ZFYVE9: variants seen among roughly 807,000 people sequenced by gnomAD.
ZFYVE9 encodes zinc finger FYVE-type containing 9.
A neutral mutation model predicts 126.7 loss-of-function variants in ZFYVE9; 43 were observed. The ratio of observed to expected loss-of-function variants is 0.34; its 90% CI spans 0.27 to 0.44. The LOEUF is 0.44. Ranked by LOEUF, ZFYVE9 falls within the 20% of genes least tolerant of loss-of-function variation. The probability of loss-of-function intolerance (pLI) is 1.00; values close to 1 mark genes in which losing one functional copy is unlikely to be tolerated. For missense variants in ZFYVE9, 1,476 were observed against 1,697.0 expected, an observed-to-expected ratio of 0.87 and a Z score of 2.29; for synonymous variants, 521 against 597.4, an observed-to-expected ratio of 0.87 and a Z score of 1.87.
chr1:52,242,657 CT>C (rs1412716454), intron 4 of ZFYVE9, among the ~76,000 whole-genome samples: 1 of 151,862 alleles, frequency 6.6e-6, no homozygotes, highest in African/African-American at 2.4e-5. Context: ...ATTGTTCCTA[CT>C]TAAGAACAGA....
At chr1:52,241,669 C>CT (rs1312523610) in intron 4 of ZFYVE9, among the ~76,000 whole-genome samples, 1 of 152,012 alleles carries the variant, frequency 6.6e-6, no homozygotes, top group Admixed American at 6.6e-5. Flanking sequence ...ATTCATGTGG[C>CT]TTATGGATTC....
chr1:52,255,905 TTTCTTTTCTTTTC>T (rs1190720298), intron 4 of ZFYVE9, among the ~76,000 whole-genome samples: 2 of 42,322 alleles, frequency 4.7e-5, no homozygotes, highest in African/African-American at 1.7e-4. Flanking sequence ...GCTTTTTTCT[TTTCTTTTCTTTTC>T]TTTTCTTTTC....
intron 4 of ZFYVE9, among the ~76,000 whole-genome samples, chr1:52,245,096 T>A (rs35534541): frequency 2.0e-5 from 3 of 151,686 alleles, no homozygotes; most frequent in African/African-American, 4.9e-5. Flanking sequence ...AGGCAGAGGT[T>A]GCAGTGAGCC....
intron 13 of ZFYVE9, among the ~76,000 whole-genome samples, chr1:52,319,084 G>A (rs1420961585): frequency 6.6e-6 from 1 of 152,178 alleles, no homozygotes. Context: ...GTGACAGAGT[G>A]TGACCCTGTC....
chr1:52,225,564 T>C (rs1645162805), intron 2 of ZFYVE9, among the ~76,000 whole-genome samples: 1 of 152,244 alleles, frequency 6.6e-6, no homozygotes, highest in Non-Finnish European at 1.5e-5. Flanking sequence ...TGGGTCGGAC[T>C]GCACAATCTA....
At chr1:52,172,795 C>G (rs1173597592) in intron 1 of ZFYVE9, among the ~76,000 whole-genome samples, 1 of 151,380 alleles carries the variant, frequency 6.6e-6, no homozygotes, top group African/African-American at 2.4e-5. Flanking sequence ...TGATTTGGCT[C>G]TCTGTTTGTC....
chr1:52,160,288 C>T, intron 1 of ZFYVE9: 2 of 1,004,828 alleles, frequency 2.0e-6, no homozygotes, highest in Admixed American at 1.7e-5. Flanking sequence ...TTCGAATGCT[C>T]TTTCCAGAAT....
chr1:52,322,326 A>T (rs1646248116), intron 13 of ZFYVE9, among the ~76,000 whole-genome samples: 1 of 147,942 alleles, frequency 6.8e-6, no homozygotes, highest in Admixed American at 6.7e-5. Flanking sequence ...TGGTCTTCCT[A>T]TTAGTACCCT....
At chr1:52,148,026 A>AC (rs1027453318) in intron 1 of ZFYVE9, among the ~76,000 whole-genome samples, 8 of 151,628 alleles carry the variant, frequency 5.3e-5, no homozygotes, top group African/African-American at 1.9e-4. Flanking sequence ...CAAATGATCC[A>AC]CCCACAGCCT....
intron 1 of ZFYVE9, among the ~76,000 whole-genome samples, chr1:52,166,823 C>G (rs1264199781): frequency 6.6e-6 from 1 of 152,200 alleles, no homozygotes; most frequent in East Asian, 1.9e-4. Flanking sequence ...ATCACCCGAG[C>G]CTGGGGAGGT....
At chr1:52,162,656 C>G (rs1644473208) in intron 1 of ZFYVE9, 1 of 275,820 alleles carries the variant, frequency 3.6e-6, no homozygotes, top group South Asian at 6.3e-5. Flanking sequence ...TAAGGCCAAA[C>G]ACTCTAAGGC....
At chr1:52,234,134 A>C (rs1297131080) in intron 3 of ZFYVE9, among the ~76,000 whole-genome samples, 1 of 152,138 alleles carries the variant, frequency 6.6e-6, no homozygotes, top group African/African-American at 2.4e-5. Context: ...TCTTGGTTTA[A>C]CTTGAGTGGG....
At chr1:52,328,186 G>A (rs756684655) in intron 13 of ZFYVE9, among the ~76,000 whole-genome samples, 59 of 152,204 alleles carry the variant, frequency 3.9e-4, no homozygotes, top group Middle Eastern at 3.4e-3. Context: ...GCTTTGATAA[G>A]TACGAAAACA....
intron 1 of ZFYVE9, among the ~76,000 whole-genome samples, chr1:52,164,806 T>C (rs1644498051): frequency 6.6e-6 from 1 of 152,202 alleles, no homozygotes; most frequent in Admixed American, 6.5e-5. Flanking sequence ...TATCTGCCAG[T>C]AATCAGCTGG....
chr1:52,239,382 G>A lies in ZFYVE9; in HGVS notation c.1965G>A (p.Glu655=). 1 of 1,614,186 alleles carries A rather than the reference G, an allele frequency of 6.2e-7. No individual in the cohort carries two copies. The highest frequency in any genetic ancestry group is 8.5e-7 in the Non-Finnish European group (1 of 1,180,014). Residue 655 remains glutamate (E), a synonymous_variant, in exon 4 of 19, where the codon GAG becomes GAA. Transcript: ENST00000287727. ...NGEHLESYEA[E]ISTRPCLALA... is the part of the protein sequence containing the mutation. ...AACATTTAGAAAGTTATGAGGCTGA[G>A]ATCTCCACTAGACCATGCCTTGCAT... is the stretch of plus-strand genomic sequence containing the variant.
At chr1:52,160,336 CAG>C (rs1644444988) in intron 1 of ZFYVE9, 2 of 1,120,728 alleles carry the variant, frequency 1.8e-6, no homozygotes, top group Non-Finnish European at 2.7e-6. Flanking sequence ...CCTCAAAAGA[CAG>C]ATTGTGAGTC....
At chr1:52,255,699 C>T (rs1645499246) in intron 4 of ZFYVE9, among the ~76,000 whole-genome samples, 1 of 152,028 alleles carries the variant, frequency 6.6e-6, no homozygotes, top group Non-Finnish European at 1.5e-5. Flanking sequence ...TCAAGACTAG[C>T]TTGGGCAACG....
intron 13 of ZFYVE9, among the ~76,000 whole-genome samples, chr1:52,328,206 A>T (rs1646310485): frequency 6.6e-6 from 1 of 152,166 alleles, no homozygotes. Context: ...ATTGTATGTG[A>T]TGAATCAGAA....
intron 4 of ZFYVE9, among the ~76,000 whole-genome samples, chr1:52,241,900 ATTAC>A (rs1645337137): frequency 6.6e-6 from 1 of 152,122 alleles, no homozygotes; most frequent in African/African-American, 2.4e-5. Context: ...ATACGTAGTA[ATTAC>A]TTAATATTTA....
Sources: allele counts gnomAD v4.1 joint callset (sites outside exome capture counted in the v4.1 genomes callset), GRCh38; gene constraint gnomAD v4.1.1; transcripts MANE v1.5; gene names NCBI Gene and HGNC (gene_info 2026-07-23, HGNC 2026-07-21).